Variants in CELF4 observed in about 807,000 individuals in gnomAD.
CELF4 encodes CUGBP Elav-like family member 4, also known as CUG-BP- and ETR-3-like factor 4.
CELF4 carries 18 observed loss-of-function variants against 59.9 expected under a neutral mutation model. The ratio of observed to expected loss-of-function variants is 0.30; its 90% CI spans 0.21 to 0.45. CELF4 has a LOEUF of 0.45. Among genes scored for constraint, CELF4 ranks in the 20% least tolerant of loss-of-function variants. The probability of loss-of-function intolerance (pLI) is 1.00; values close to 1 mark genes in which losing one functional copy is unlikely to be tolerated. For missense variants in CELF4, 456 were observed against 689.0 expected, an observed-to-expected ratio of 0.66 and a Z score of 3.79; for synonymous variants, 261 against 267.1, an observed-to-expected ratio of 0.98 and a Z score of 0.22.
intron 2 of CELF4, among the ~76,000 whole-genome samples, chr18:37,464,970 G>A (rs888226438): frequency 6.6e-6 from 1 of 152,126 alleles, no homozygotes; most frequent in Non-Finnish European, 1.5e-5. Context: ...TGACTCCTCA[G>A]GATGCTGCCA....
At chr18:37,334,830 C>G (rs2097704997) in intron 2 of CELF4, among the ~76,000 whole-genome samples, 1 of 152,054 alleles carries the variant, frequency 6.6e-6, no homozygotes, top group Non-Finnish European at 1.5e-5. Flanking sequence ...AAAACAAAGC[C>G]CACACCAAGT....
chr18:37,354,548 T>A (rs1447425856), intron 2 of CELF4, among the ~76,000 whole-genome samples: 1 of 152,088 alleles, frequency 6.6e-6, no homozygotes, highest in African/African-American at 2.4e-5. Flanking sequence ...TTCCCGTAGG[T>A]AGGTAAAAAT....
chr18:37,497,980 A>G (rs1331273628), intron 1 of CELF4, among the ~76,000 whole-genome samples: 1 of 152,170 alleles, frequency 6.6e-6, no homozygotes, highest in African/African-American at 2.4e-5. Context: ...TGAGATGGGT[A>G]GGCTGCCTGC....
intron 2 of CELF4, among the ~76,000 whole-genome samples, chr18:37,346,751 T>C (rs1256629093): frequency 6.6e-6 from 1 of 151,732 alleles, no homozygotes; most frequent in Non-Finnish European, 1.5e-5. Flanking sequence ...CAGCTGCTTG[T>C]GCAGAAGCCC....
At chr18:37,404,503 C>T (rs1024171178) in intron 2 of CELF4, among the ~76,000 whole-genome samples, 7 of 152,206 alleles carry the variant, frequency 4.6e-5, no homozygotes, top group African/African-American at 1.7e-4. Flanking sequence ...CAGGCCCTGC[C>T]TGATGGGGCA....
intron 2 of CELF4, among the ~76,000 whole-genome samples, chr18:37,404,864 T>C (rs1213080178): frequency 6.6e-6 from 1 of 152,252 alleles, no homozygotes; most frequent in Non-Finnish European, 1.5e-5. Context: ...ATTTTGGGGT[T>C]AAGCACTGCC....
At chr18:37,320,315 G>A (rs560412102) in intron 3 of CELF4, among the ~76,000 whole-genome samples, 4 of 127,764 alleles carry the variant, frequency 3.1e-5, no homozygotes, top group East Asian at 2.4e-4. Flanking sequence ...CAGCCTGGGC[G>A]ACAGAGTGAG....
chr18:37,501,332 C>T (rs2099931646), intron 1 of CELF4, among the ~76,000 whole-genome samples: 1 of 152,242 alleles, frequency 6.6e-6, no homozygotes, highest in Non-Finnish European at 1.5e-5. Flanking sequence ...TGAGTCAGAG[C>T]TATGGCTTTT....
chr18:37,346,097 T>G (rs687775), intron 2 of CELF4, among the ~76,000 whole-genome samples: 49,621 of 152,120 alleles, frequency 0.33, 10,772 homozygotes, highest in African/African-American at 0.62. Context: ...GCCATTTCTG[T>G]AGTGTGGAGC....
chr18:37,301,648 C>CAGAGG (rs1385788976), intron 3 of CELF4, among the ~76,000 whole-genome samples: 2 of 152,176 alleles, frequency 1.3e-5, no homozygotes, highest in Non-Finnish European at 2.9e-5. Flanking sequence ...CCTGGAGATG[C>CAGAGG]AGAGGTGCTC....
At chr18:37,291,750 T>G (rs1021413308) in intron 3 of CELF4, among the ~76,000 whole-genome samples, 2 of 152,182 alleles carry the variant, frequency 1.3e-5, no homozygotes, top group Non-Finnish European at 2.9e-5. Flanking sequence ...ACATCCCTCT[T>G]AAGTCTCCAG....
In CELF4 at chr18:37,380,991, T is replaced by C. The variant is rs551968999; in HGVS notation, c.370-59110A>G. Among the ~76,000 whole-genome samples, 13 of 150,984 alleles carry C rather than the reference T, an allele frequency of 8.6e-5. No homozygotes were observed. In the South Asian group the frequency reaches 2.7e-3, roughly 32 times the overall value. ...CCATATATCCTTATGTATCCATTCA[T>C]CAACCATCCACCATCCATCCATCTA... On this transcript the variant is annotated intron_variant, in intron 2 of 12. Coordinates refer to ENST00000420428, the MANE Select transcript of CELF4 (RefSeq NM_020180.4).
intron 2 of CELF4, among the ~76,000 whole-genome samples, chr18:37,427,301 G>T (rs1439255058): frequency 6.6e-6 from 1 of 152,178 alleles, no homozygotes; most frequent in Non-Finnish European, 1.5e-5. Context: ...GCAGGAAATA[G>T]CACAGGTGGC....
intron 3 of CELF4, chr18:37,305,733 C>T (rs945625616): frequency 1.3e-5 from 2 of 152,280 alleles, no homozygotes; most frequent in Non-Finnish European, 2.9e-5. Context: ...GCAGTGATAC[C>T]TAAGTCATGG....
chr18:37,475,303 C>A (rs1292176961), intron 2 of CELF4, among the ~76,000 whole-genome samples: 2 of 152,172 alleles, frequency 1.3e-5, no homozygotes, highest in East Asian at 1.9e-4. Context: ...ACTTCTTGTG[C>A]CCACGAATCT....
intron 2 of CELF4, among the ~76,000 whole-genome samples, chr18:37,351,270 A>G (rs530455057): frequency 6.6e-6 from 1 of 152,324 alleles, no homozygotes; most frequent in East Asian, 1.9e-4. Flanking sequence ...AATGCAATTT[A>G]TCTTGCATAC....
intron 2 of CELF4, among the ~76,000 whole-genome samples, chr18:37,478,935 C>G (rs2099858423): frequency 1.3e-5 from 2 of 152,170 alleles, no homozygotes; most frequent in South Asian, 4.1e-4. Flanking sequence ...GGGGGCTCTT[C>G]TGAAGGTATG....
At chr18:37,500,854 G>A (rs1342565190) in intron 1 of CELF4, among the ~76,000 whole-genome samples, 1 of 152,174 alleles carries the variant, frequency 6.6e-6, no homozygotes, top group Non-Finnish European at 1.5e-5. Flanking sequence ...GAACCTTTCT[G>A]TGTCTCAGCT....
intron 1 of CELF4, among the ~76,000 whole-genome samples, chr18:37,561,897 A>G (rs2099986651): frequency 6.6e-6 from 1 of 152,192 alleles, no homozygotes; most frequent in African/African-American, 2.4e-5. Flanking sequence ...ATCTTTCCCA[A>G]AGTGCTCTAA....
Sources: gnomAD v4.1 joint callset for allele counts (sites outside exome capture counted in the v4.1 genomes callset) on GRCh38, gnomAD v4.1.1 for gene constraint, MANE v1.5 for transcripts, NCBI Gene and HGNC (gene_info 2026-07-23, HGNC 2026-07-21) for gene names.